Variants in TEX11 observed in about 807,000 individuals in gnomAD.
The protein encoded by TEX11 is testis expressed 11.
A neutral mutation model predicts 84.4 loss-of-function variants in TEX11; 7 were observed. That is an observed-to-expected ratio of 0.08 (90% CI 0.05 to 0.16). The LOEUF (loss-of-function observed/expected upper bound fraction) is 0.16. Ranked by LOEUF, TEX11 falls within the 10% of genes least tolerant of loss-of-function variation. The probability of loss-of-function intolerance (pLI) is 1.00; values close to 1 mark genes in which losing one functional copy is unlikely to be tolerated. For synonymous variants in TEX11, 264 were observed against 222.8 expected, an observed-to-expected ratio of 1.18 and a Z score of -1.64; for missense variants, 551 against 660.5, an observed-to-expected ratio of 0.83 and a Z score of 1.82.
In TEX11 at chrX:70,729,988, G is replaced by A. The variant is rs368555344; in HGVS notation, c.844-4645C>T. Among the ~76,000 whole-genome samples the A allele has an allele frequency of 1.8e-4, 20 of 112,350 alleles. No individual in the cohort carries two copies. In the East Asian group the frequency reaches 5.0e-3, roughly 28 times the overall value. On this transcript the variant is annotated intron_variant, in intron 11 of 29. Coordinates refer to ENST00000374333, the MANE Select transcript of TEX11 (RefSeq NM_031276.3). ...GGCAGAAACTCTACAAGCCAGAAGAGAGTGGGGGCCAATATTCAACATTCT... is the reference window on the plus strand; with the variant it reads ...GGCAGAAACTCTACAAGCCAGAAGAAAGTGGGGGCCAATATTCAACATTCT...
intron 15 of TEX11, 66 bp downstream of exon 15, chrX:70,678,736 TTA>T (rs1191059669): frequency 1.2e-6 from 1 of 866,548 alleles, no homozygotes; most frequent in East Asian, 3.2e-5. Context: ...TCTTTTATTT[TTA>T]TAGTGAATGC....
At chrX:70,597,893 T>C (rs2089029414) in intron 24 of TEX11, among the ~76,000 whole-genome samples, 1 of 112,069 alleles carries the variant, frequency 8.9e-6, no homozygotes, top group Admixed American at 9.4e-5. Context: ...TACAACTCAG[T>C]GGTAAAAAGA....
chrX:70,777,611 T>C (rs1196820125), intron 9 of TEX11, among the ~76,000 whole-genome samples: 2 of 111,813 alleles, frequency 1.8e-5, no homozygotes, highest in Non-Finnish European at 3.8e-5. Flanking sequence ...ATCACATCAT[T>C]GCACTCCAGC....
At chrX:70,890,106 A>T (rs926411771) in intron 2 of TEX11, among the ~76,000 whole-genome samples, 5 of 111,781 alleles carry the variant, frequency 4.5e-5, no homozygotes, top group Non-Finnish European at 9.4e-5. Flanking sequence ...ATGCCAATGG[A>T]AACCAAAAAA....
At chrX:70,893,213 T>C (rs1216234838) in intron 2 of TEX11, among the ~76,000 whole-genome samples, 1 of 111,542 alleles carries the variant, frequency 9.0e-6, no homozygotes, top group Non-Finnish European at 1.9e-5. Context: ...AATAGACATC[T>C]ACAGAACACT....
At chrX:70,521,356 G>A in the TEX11 span, among the ~76,000 whole-genome samples, 1 of 109,216 alleles carries the variant, frequency 9.2e-6, no homozygotes, top group African/African-American at 3.3e-5. Context: ...TCAGTTCATT[G>A]CAACTTCCGT....
At chrX:70,792,337 TATATATATATATATATATATAC>T (rs1350498076) in intron 9 of TEX11, among the ~76,000 whole-genome samples, 451 of 12,152 alleles carry the variant, frequency 0.037, 34 homozygotes, top group African/African-American at 0.17. Flanking sequence ...TATATATATA[TATATATATATATATATATATAC>T]ACACACAAAT....
intron 25 of TEX11, among the ~76,000 whole-genome samples, chrX:70,568,173 C>T (rs1355491277): frequency 1.8e-5 from 2 of 111,400 alleles, no homozygotes; most frequent in Non-Finnish European, 3.8e-5. Context: ...CCTTCTTTGT[C>T]TCTTTTGATC....
At chrX:70,732,993 T>A (rs1484624574) in intron 11 of TEX11, among the ~76,000 whole-genome samples, 1 of 111,427 alleles carries the variant, frequency 9.0e-6, no homozygotes, top group Non-Finnish European at 1.9e-5. Context: ...TCAGAAATAA[T>A]GCCACACATC....
intron 2 of TEX11, among the ~76,000 whole-genome samples, chrX:70,884,093 C>CA (rs1175465095): frequency 1.8e-5 from 2 of 112,454 alleles, no homozygotes; most frequent in Non-Finnish European, 3.8e-5. Context: ...TTGCATATTG[C>CA]TTTCCAGTCT....
intron 16 of TEX11, among the ~76,000 whole-genome samples, chrX:70,662,851 G>A (rs1413979190): frequency 9.0e-6 from 1 of 111,540 alleles, no homozygotes; most frequent in Non-Finnish European, 1.9e-5. Context: ...TGGGAGTGGA[G>A]GTGAGGATTG....
chrX:70,713,123 G>A (rs764166234), intron 13 of TEX11, among the ~76,000 whole-genome samples: 3 of 111,800 alleles, frequency 2.7e-5, no homozygotes, highest in African/African-American at 6.5e-5. Flanking sequence ...AACCAGCCTC[G>A]CATCCCAGGG....
chrX:70,530,839 T>C (rs1248383177), intron 28 of TEX11, among the ~76,000 whole-genome samples: 1 of 112,050 alleles, frequency 8.9e-6, no homozygotes, highest in Non-Finnish European at 1.9e-5. Context: ...CTAAAGGTTG[T>C]GCAATGCTTT....
chrX:70,679,172 C>T (rs1465459373), intron 14 of TEX11, among the ~76,000 whole-genome samples: 1 of 112,544 alleles, frequency 8.9e-6, no homozygotes, highest in Non-Finnish European at 1.9e-5. Flanking sequence ...AGCTCCTAAC[C>T]GCGAGTGATC....
chrX:70,854,863 C>T (rs771067957), intron 5 of TEX11, among the ~76,000 whole-genome samples: 78 of 106,694 alleles, frequency 7.3e-4, no homozygotes, highest in African/African-American at 2.6e-3. Flanking sequence ...CTGGGCAATA[C>T]GGTGAGACCC....
intron 7 of TEX11, among the ~76,000 whole-genome samples, chrX:70,840,909 C>G (rs1375055836): frequency 1.8e-5 from 2 of 110,997 alleles, no homozygotes; most frequent in African/African-American, 3.3e-5. Context: ...GTAAAGGGAT[C>G]AATTCAACAA....
At chrX:70,644,438 CTA>C (rs1309275539) in intron 17 of TEX11, among the ~76,000 whole-genome samples, 1 of 104,930 alleles carries the variant, frequency 9.5e-6, no homozygotes, top group Non-Finnish European at 2.0e-5. Flanking sequence ...ACCCAAAGGA[CTA>C]TAAATCATGC....
chrX:70,820,561 T>C (rs762236433), intron 8 of TEX11, among the ~76,000 whole-genome samples: 26 of 112,063 alleles, frequency 2.3e-4, no homozygotes, highest in Non-Finnish European at 3.9e-4. Context: ...CAGCTTCTGA[T>C]GAGGGCCTCA....
chrX:70,819,964 T>A (rs181470498), intron 8 of TEX11, among the ~76,000 whole-genome samples: 266 of 112,103 alleles, frequency 2.4e-3, no homozygotes, highest in African/African-American at 8.2e-3. Context: ...CAGATTGGAA[T>A]AATTAATATT....
Sources: gnomAD v4.1 joint callset for allele counts (sites outside exome capture counted in the v4.1 genomes callset) on GRCh38, gnomAD v4.1.1 for gene constraint, MANE v1.5 for transcripts, NCBI Gene and HGNC (gene_info 2026-07-23, HGNC 2026-07-21) for gene names.